NRBF2: variants seen among roughly 807,000 people sequenced by gnomAD.
The protein encoded by NRBF2 is nuclear receptor binding factor 2, also known as nuclear receptor-binding factor 2.
Under a neutral mutation model 28.5 loss-of-function variants are expected in NRBF2, and 12 were observed. The observed-to-expected ratio is 0.42, with a 90% CI of 0.27 to 0.68. NRBF2 has a LOEUF of 0.68. Ranked by LOEUF, NRBF2 falls within the 30% of genes least tolerant of loss-of-function variation. NRBF2 has a pLI of 0.24. For missense variants in NRBF2, 274 were observed against 333.5 expected (o/e 0.82, Z 1.39); for synonymous variants, 102 against 116.5 (o/e 0.88, Z 0.80).
intron 2 of NRBF2, among the ~76,000 whole-genome samples, chr10:63,148,152 TAA>T (rs1197415331): frequency 6.6e-6 from 1 of 152,210 alleles, no homozygotes; most frequent in African/African-American, 2.4e-5. Context: ...TATGAATATA[TAA>T]AGAGAAGGAA....
At chr10:63,134,962 C>T (rs538565348) in intron 1 of NRBF2, among the ~76,000 whole-genome samples, 2 of 152,172 alleles carry the variant, frequency 1.3e-5, no homozygotes, top group African/African-American at 4.8e-5. Flanking sequence ...CCGAGGCGGG[C>T]GAATCACTTG....
At chr10:63,133,542 T>C (rs1841321740) in intron 1 of NRBF2, 42 bp downstream of exon 1, 1 of 1,476,522 alleles carries the variant, frequency 6.8e-7, no homozygotes. Context: ...TGGGTGCCTT[T>C]GCCTCAGGAG....
intron 1 of NRBF2, among the ~76,000 whole-genome samples, chr10:63,143,522 A>G (rs1841507887): frequency 6.6e-6 from 1 of 151,542 alleles, no homozygotes; most frequent in South Asian, 2.1e-4. Context: ...TAATGGTGCG[A>G]TCTCGGCTCA....
chr10:63,141,671 C>T (rs1254062020), intron 1 of NRBF2, among the ~76,000 whole-genome samples: 1 of 152,118 alleles, frequency 6.6e-6, no homozygotes, highest in African/African-American at 2.4e-5. Flanking sequence ...CATAAGCAGA[C>T]AATAACTTTC....
chr10:63,146,465 C>G (rs1841563339), intron 2 of NRBF2, among the ~76,000 whole-genome samples, 172 bp downstream of exon 2: 2 of 152,198 alleles, frequency 1.3e-5, no homozygotes, highest in South Asian at 2.1e-4. Flanking sequence ...CTAATCCAAT[C>G]TTCTTTCTAA....
In NRBF2 at chr10:63,133,360, C is replaced by A. The variant is rs1448069806; in HGVS notation, c.-111C>A. Reference sequence around the variant, plus strand: ...CAGCGCCTATCGCTGGCTCTTGGGGCGCAGAGAGGGGCCGCAGTCTCCGCG... The same window carrying A: ...CAGCGCCTATCGCTGGCTCTTGGGGAGCAGAGAGGGGCCGCAGTCTCCGCG... On this transcript the variant is annotated 5_prime_UTR_variant, in exon 1 of 4. Transcript: ENST00000277746. The A allele has an allele frequency of 4.7e-6, 6 of 1,272,840 alleles. No homozygotes were observed. The African/African-American group carries it at 6.0e-5, about 13-fold the overall frequency. The allele number at this position is 1,272,840 out of a possible 1,614,324, so 78.8% of individuals were successfully genotyped here.
At chr10:63,138,553 G>A (rs1274142410) in intron 1 of NRBF2, among the ~76,000 whole-genome samples, 7 of 150,764 alleles carry the variant, frequency 4.6e-5, no homozygotes, top group Non-Finnish European at 1.0e-4. Context: ...GACCATTCTA[G>A]CTAACACGGT....
chr10:63,136,887 A>G (rs894995255), intron 1 of NRBF2, among the ~76,000 whole-genome samples: 3 of 152,230 alleles, frequency 2.0e-5, no homozygotes, highest in African/African-American at 7.2e-5. Context: ...TATTCATTTT[A>G]ATATGTACCA....
rs377541693 is a variant in NRBF2 at position 63,138,567 on chromosome 10, AC to A, written c.30+5071del. Among the ~76,000 whole-genome samples, 49 of 150,978 alleles carry A rather than the reference AC, an allele frequency of 3.2e-4. 1 individual carries two copies. The South Asian group carries it at 9.5e-3, about 29-fold the overall frequency. ...AGACCATTCTAGCTAACACGGTGAA[AC>A]CCCGTCTCTACTAAAAATACAAAAA... On this transcript the variant is annotated intron_variant, in intron 1 of 3. Transcript: ENST00000277746.
intron 1 of NRBF2, among the ~76,000 whole-genome samples, chr10:63,133,715 T>G (rs2132672178): frequency 6.6e-6 from 1 of 152,246 alleles, no homozygotes; most frequent in Non-Finnish European, 1.5e-5. Context: ...CCCCGGGAAG[T>G]CCTGGCGCCC....
chr10:63,136,879 T>C (rs1372505820), intron 1 of NRBF2, among the ~76,000 whole-genome samples: 3 of 152,226 alleles, frequency 2.0e-5, no homozygotes, highest in South Asian at 4.1e-4. Flanking sequence ...GTTTGAAATA[T>C]TCATTTTAAT....
intron 1 of NRBF2, among the ~76,000 whole-genome samples, chr10:63,143,981 CT>C: frequency 6.6e-6 from 1 of 152,176 alleles, no homozygotes; most frequent in Non-Finnish European, 1.5e-5. Flanking sequence ...TTGTCTCAAA[CT>C]CTTGAGCTCG....
chr10:63,154,414 T>C lies in NRBF2; in HGVS notation c.*196T>C. On this transcript the variant is annotated 3_prime_UTR_variant, in exon 4 of 4. Coordinates refer to ENST00000277746, the MANE Select transcript of NRBF2 (RefSeq NM_030759.5). ...TGCGCTGCGTATCTCATTCACTCAC[T>C]TCAGCTAATGATTCCGACTTGGCAG... The C allele has an allele frequency of 2.1e-6, 1 of 477,262 alleles. No individual in the cohort carries two copies. The highest frequency in any genetic ancestry group is 3.7e-6 in the Non-Finnish European group (1 of 270,996). The allele number at this position is 477,262 out of a possible 1,614,324, so 29.6% of individuals were successfully genotyped here.
intron 1 of NRBF2, among the ~76,000 whole-genome samples, chr10:63,139,071 G>A (rs1385558294): frequency 3.3e-5 from 5 of 152,086 alleles, no homozygotes; most frequent in African/African-American, 9.7e-5. Flanking sequence ...GTGCAATGGC[G>A]TAATCTCAGC....
intron 1 of NRBF2, among the ~76,000 whole-genome samples, chr10:63,142,559 A>C (rs1033673416): frequency 6.6e-6 from 1 of 152,008 alleles, no homozygotes; most frequent in Non-Finnish European, 1.5e-5. Flanking sequence ...TTGCTTTAAT[A>C]GTATCAAAAC....
intron 1 of NRBF2, among the ~76,000 whole-genome samples, chr10:63,136,286 C>T (rs1841377787): frequency 6.6e-6 from 1 of 152,038 alleles, no homozygotes; most frequent in African/African-American, 2.4e-5. Flanking sequence ...CATGCACCAC[C>T]CTGCCCGGCT....
chr10:63,153,911 T>C lies in NRBF2; in HGVS notation c.557T>C (p.Val186Ala). 6.2e-7 allele frequency: 1 copy of C among 1,611,968 alleles called. No individual in the cohort carries two copies. Among genetic ancestry groups the C allele is most frequent in the Non-Finnish European group, 8.5e-7 (1 of 1,179,826 alleles). Residue 186 changes from valine to alanine, a missense_variant, in exon 4 of 4, where the codon GTG (valine) becomes GCG (alanine). Coordinates refer to ENST00000277746, the MANE Select transcript of NRBF2 (RefSeq NM_030759.5). ...ADLKRHVEFL[V>A]AENERLRKEN... ...TTGAAGAGGCATGTGGAATTCCTTGTGGCTGAGAATGAAAGATTAAGGAAA... is the reference window on the plus strand; with the variant it reads ...TTGAAGAGGCATGTGGAATTCCTTGCGGCTGAGAATGAAAGATTAAGGAAA...
At chr10:63,141,899 G>A (rs1841474910) in intron 1 of NRBF2, among the ~76,000 whole-genome samples, 1 of 152,160 alleles carries the variant, frequency 6.6e-6, no homozygotes, top group South Asian at 2.1e-4. Context: ...GTTGAGCTCA[G>A]TAATAATCTG....
At chr10:63,150,965 G>T (rs12265764) in intron 2 of NRBF2, among the ~76,000 whole-genome samples, 3,764 of 152,252 alleles carry the variant, frequency 0.025, 160 homozygotes, top group African/African-American at 0.085. Context: ...CAAGCAATGG[G>T]GAGTGGCTGT....
Sources: gnomAD v4.1 joint callset for allele counts (sites outside exome capture counted in the v4.1 genomes callset) on GRCh38, gnomAD v4.1.1 for gene constraint, MANE v1.5 for transcripts, NCBI Gene and HGNC (gene_info 2026-07-23, HGNC 2026-07-21) for gene names.